ACBD7: variants seen among roughly 807,000 people sequenced by gnomAD.
ACBD7 encodes the protein acyl-CoA-binding domain-containing protein 7.
In ACBD7, 11 loss-of-function variants were observed where a neutral mutation model predicts 13.7. That is an observed-to-expected ratio of 0.80 (90% CI 0.50 to 1.33). The LOEUF is 1.33. Among genes scored for constraint, ACBD7 ranks in the 40% most tolerant of loss-of-function variants. ACBD7 has a pLI of 0.00. For missense variants in ACBD7, 111 were observed against 103.0 expected (o/e 1.08, Z -0.33); for synonymous variants, 43 against 37.7 (o/e 1.14, Z -0.51).
At chr10:15,086,238 T>C (rs1589262130) in intron 1 of ACBD7, among the ~76,000 whole-genome samples, 1 of 150,654 alleles carries the variant, frequency 6.6e-6, no homozygotes, top group African/African-American at 2.4e-5. Flanking sequence ...ATCTGGGAGG[T>C]GGAGGTTGCA....
intron 1 of ACBD7, among the ~76,000 whole-genome samples, chr10:15,080,677 A>T (rs1373366766): frequency 6.6e-6 from 1 of 152,192 alleles, no homozygotes; most frequent in African/African-American, 2.4e-5. Context: ...CAAGACCCTC[A>T]GGCTGGCCCA....
At chr10:15,079,774 T>C (rs1009610651) in intron 1 of ACBD7, among the ~76,000 whole-genome samples, 1 of 152,088 alleles carries the variant, frequency 6.6e-6, no homozygotes, top group African/African-American at 2.4e-5. Context: ...ACACGGGGTT[T>C]AACCATCTTG....
chr10:15,077,193 C>T lies in ACBD7; in HGVS notation c.*1337G>A, dbSNP rs969723559. ...AAGATATGGAATCAACCTAAGTATC[C>T]ATCAGCAGATGATGGGATAAAGAAA... is the stretch of plus-strand genomic sequence containing the variant. On this transcript the variant is annotated 3_prime_UTR_variant, in exon 4 of 4. Transcript: ENST00000356189. Among the ~76,000 whole-genome samples the T allele has an allele frequency of 1.5e-4, 23 of 152,122 alleles. No homozygotes were observed. Among genetic ancestry groups the T allele is most frequent in the African/African-American group, 5.6e-4 (23 of 41,416 alleles).
chr10:15,084,707 T>C (rs555056908), intron 1 of ACBD7, among the ~76,000 whole-genome samples: 1 of 152,186 alleles, frequency 6.6e-6, no homozygotes, highest in Non-Finnish European at 1.5e-5. Context: ...TACACTTCTA[T>C]GCAAATAAAG....
rs1349293853 is a variant in ACBD7 at position 15,076,858 on chromosome 10, T to G, written c.*1672A>C. ...TTTCACCAGTAACATTAACTTATTG[T>G]AACAGAACAGATGAGCCAAAAGAAC... On this transcript the variant is annotated 3_prime_UTR_variant, in exon 4 of 4. Transcript: ENST00000356189. 1 of 985,268 alleles carries G rather than the reference T, an allele frequency of 1.0e-6. No homozygotes were observed. The highest frequency in any genetic ancestry group is 1.7e-5 in the African/African-American group (1 of 57,222). The allele number at this position is 985,268 out of a possible 1,614,324, so 61.0% of individuals were successfully genotyped here.
At position 15,076,038 on chromosome 10, in the gene ACBD7, C is replaced by T. The variant is rs1427398444; in HGVS notation, c.*2492G>A. 7 of 779,706 alleles carry T rather than the reference C, an allele frequency of 9.0e-6. No homozygotes were observed. Among genetic ancestry groups the T allele is most frequent in the East Asian group, 1.3e-4 (1 of 7,858 alleles). 48.3% of individuals were successfully genotyped at this position (779,706 alleles called of 1,614,324 possible). On this transcript the variant is annotated 3_prime_UTR_variant, in exon 4 of 4. Transcript: ENST00000356189. The stretch of plus-strand genomic sequence containing the variant: ...GTTATATAAATGGAATTATACATGT[C>T]ACATTTGGGGACTGGCTTTTTCTGC...
chr10:15,076,278 G>A lies in ACBD7; in HGVS notation c.*2252C>T. 1 of 985,270 alleles carries A rather than the reference G, an allele frequency of 1.0e-6. No homozygotes were observed. The highest frequency in any genetic ancestry group is 4.7e-5 in the South Asian group (1 of 21,274). 61.0% of individuals were successfully genotyped at this position (985,270 alleles called of 1,614,324 possible). The stretch of plus-strand genomic sequence containing the variant: ...GACTGTCTTCTTTCAAAGAGCCTGT[G>A]TACCATCCAGAAAGACTGAGTAGGG... On this transcript the variant is annotated 3_prime_UTR_variant, in exon 4 of 4. Coordinates refer to ENST00000356189, the MANE Select transcript of ACBD7 (RefSeq NM_001039844.3).
At chr10:15,088,498 G>A in intron 1 of ACBD7, 1 of 617,478 alleles carries the variant, frequency 1.6e-6, no homozygotes, top group Non-Finnish European at 2.6e-6. Context: ...CCGCTCACCC[G>A]GCCCCTGGGG....
chr10:15,079,660 C>A (rs1318735594), intron 1 of ACBD7, among the ~76,000 whole-genome samples: 1 of 151,648 alleles, frequency 6.6e-6, no homozygotes, highest in Admixed American at 6.6e-5. Flanking sequence ...ATCACTGCAA[C>A]CTTCGCCTCC....
chr10:15,086,530 G>A (rs931597082), intron 1 of ACBD7, among the ~76,000 whole-genome samples: 1 of 152,142 alleles, frequency 6.6e-6, no homozygotes, highest in Admixed American at 6.5e-5. Flanking sequence ...ATTTTAGAAA[G>A]AACATTTTGA....
intron 1 of ACBD7, among the ~76,000 whole-genome samples, chr10:15,084,079 T>A (rs1005230888): frequency 4.6e-5 from 7 of 152,040 alleles, no homozygotes; most frequent in African/African-American, 1.7e-4. Flanking sequence ...ATCCCTGAGA[T>A]GAGATGGGAT....
In ACBD7 at chr10:15,075,593, T is replaced by TC. The variant is rs1844668702; in HGVS notation, c.*2936dup. Among the ~76,000 whole-genome samples the TC allele has an allele frequency of 6.6e-6, 1 of 152,140 alleles. No individual in the cohort carries two copies. Among genetic ancestry groups the TC allele is most frequent in the Admixed American group, 6.5e-5 (1 of 15,270 alleles). ...AGAACATTCCATCACTGCAGGATCA[T>TC]CCCTCCTGCTGCCCTTTTAAAGCCA... On this transcript the variant is annotated 3_prime_UTR_variant, in exon 4 of 4. Transcript: ENST00000356189.
chr10:15,084,032 G>A (rs1225455758), intron 1 of ACBD7, among the ~76,000 whole-genome samples: 2 of 152,214 alleles, frequency 1.3e-5, no homozygotes, highest in Admixed American at 6.5e-5. Context: ...GAACACAGGA[G>A]GTAGCACAGA....
At chr10:15,081,164 A>G (rs1844745142) in intron 1 of ACBD7, among the ~76,000 whole-genome samples, 1 of 151,774 alleles carries the variant, frequency 6.6e-6, no homozygotes, top group Non-Finnish European at 1.5e-5. Flanking sequence ...TTCAGCACTG[A>G]CTGAGTGGTT....
intron 1 of ACBD7, among the ~76,000 whole-genome samples, chr10:15,079,253 T>G (rs1038137616): frequency 2.0e-5 from 3 of 150,306 alleles, no homozygotes; most frequent in African/African-American, 7.3e-5. Context: ...ATACAGAAAA[T>G]GTTCGGTTTA....
At chr10:15,083,841 C>A (rs1340881923) in intron 1 of ACBD7, among the ~76,000 whole-genome samples, 3 of 152,182 alleles carry the variant, frequency 2.0e-5, no homozygotes, top group Non-Finnish European at 4.4e-5. Context: ...GAGTTCATCT[C>A]ACAGCTCATA....
Position 15,078,405 on chromosome 10 carries a change from C to T in ACBD7, c.*125G>A, listed in dbSNP as rs149196179. The T allele has an allele frequency of 5.9e-5, 93 of 1,568,316 alleles. No individual in the cohort carries two copies. In the African/African-American group the frequency reaches 1.1e-3, roughly 19 times the overall value. On this transcript the variant is annotated 3_prime_UTR_variant, in exon 4 of 4. Coordinates refer to ENST00000356189, the MANE Select transcript of ACBD7 (RefSeq NM_001039844.3). ...AGTTTCAGTATACTTCTAAGTACTA[C>T]AGCTCATGCTAATAGCAAAAATATA...
At chr10:15,081,134 C>A (rs1048515684) in intron 1 of ACBD7, among the ~76,000 whole-genome samples, 2 of 152,128 alleles carry the variant, frequency 1.3e-5, no homozygotes, top group African/African-American at 4.8e-5. Flanking sequence ...GCTAAACAGG[C>A]AGGCCTCCAT....
chr10:15,076,150 T>A lies in ACBD7; in HGVS notation c.*2380A>T. 1 of 985,346 alleles carries A rather than the reference T, an allele frequency of 1.0e-6. No individual in the cohort carries two copies. Among genetic ancestry groups the A allele is most frequent in the Non-Finnish European group, 1.2e-6 (1 of 829,878 alleles). The allele number at this position is 985,346 out of a possible 1,614,324, so 61.0% of individuals were successfully genotyped here. ...TGAAGTGGATCTATTCCTCTGGTCATACCATTCCAAATCTAAATTTTTATG... is the reference window on the plus strand; with the variant it reads ...TGAAGTGGATCTATTCCTCTGGTCAAACCATTCCAAATCTAAATTTTTATG... On this transcript the variant is annotated 3_prime_UTR_variant, in exon 4 of 4. Transcript: ENST00000356189.
Sources: gnomAD v4.1 joint callset for allele counts (sites outside exome capture counted in the v4.1 genomes callset) on GRCh38, gnomAD v4.1.1 for gene constraint, MANE v1.5 for transcripts, NCBI Gene and HGNC (gene_info 2026-07-23, HGNC 2026-07-21) for gene names.